FAM117B: variants seen among roughly 807,000 people sequenced by gnomAD.
FAM117B encodes the protein family with sequence similarity 117 member B, also known as protein FAM117B.
FAM117B carries 22 observed loss-of-function variants against 52.8 expected under a neutral mutation model. That is an observed-to-expected ratio of 0.42 (90% CI 0.30 to 0.59). FAM117B has a LOEUF of 0.59. Among genes scored for constraint, FAM117B ranks in the 20% least tolerant of loss-of-function variants. FAM117B has a pLI of 0.22. For missense variants in FAM117B, 678 were observed against 802.6 expected, an observed-to-expected ratio of 0.84 and a Z score of 1.88; for synonymous variants, 309 against 324.1, an observed-to-expected ratio of 0.95 and a Z score of 0.50.
intron 1 of FAM117B, among the ~76,000 whole-genome samples, chr2:202,665,609 T>C (rs72927001): frequency 0.23 from 34,211 of 152,002 alleles, 4,577 homozygotes; most frequent in Middle Eastern, 0.3. Context: ...CTCTTTTTGT[T>C]GTTGTTGTTG....
intron 4 of FAM117B, among the ~76,000 whole-genome samples, chr2:202,750,996 G>T (rs912290767): frequency 2.6e-5 from 4 of 152,092 alleles, no homozygotes; most frequent in African/African-American, 9.7e-5. Context: ...GAAATTAGGT[G>T]TGTAGGTTTC....
intron 1 of FAM117B, among the ~76,000 whole-genome samples, chr2:202,650,663 A>T (rs1458167215): frequency 1.6e-4 from 25 of 152,222 alleles, no homozygotes; most frequent in Admixed American, 1.6e-3. Flanking sequence ...TGCAGCCTTC[A>T]GTCTGTGGCA....
At chr2:202,644,051 CTGTTTTTTTTT>C (rs1236739518) in intron 1 of FAM117B, among the ~76,000 whole-genome samples, 145 of 89,752 alleles carry the variant, frequency 1.6e-3, no homozygotes, top group Admixed American at 1.4e-3. Flanking sequence ...GCTTTAGGAG[CTGTTTTTTTTT>C]TGTTTTTTTT....
intron 1 of FAM117B, 137 bp downstream of exon 1, chr2:202,635,925 C>T: frequency 2.3e-6 from 2 of 855,866 alleles, no homozygotes; most frequent in South Asian, 5.1e-5. Context: ...CGGTGCCGGG[C>T]GGTGGGGGAC....
At chr2:202,730,407 C>T (rs778140953) in intron 4 of FAM117B, among the ~76,000 whole-genome samples, 9 of 152,150 alleles carry the variant, frequency 5.9e-5, no homozygotes, top group East Asian at 1.9e-4. Flanking sequence ...TGGTGGTTCA[C>T]GCCTGTAATC....
At chr2:202,655,729 A>T (rs1411418016) in intron 1 of FAM117B, among the ~76,000 whole-genome samples, 2 of 147,336 alleles carry the variant, frequency 1.4e-5, no homozygotes, top group Non-Finnish European at 3.0e-5. Context: ...AGAGAGAGAG[A>T]GAGAGAGAGA....
chr2:202,646,674 A>C (rs891033963), intron 1 of FAM117B, among the ~76,000 whole-genome samples: 4 of 152,106 alleles, frequency 2.6e-5, no homozygotes, highest in Non-Finnish European at 4.4e-5. Flanking sequence ...TTTGAGTACG[A>C]GTGGTTTCTC....
At chr2:202,764,528 C>T (rs1357234250) in intron 7 of FAM117B, among the ~76,000 whole-genome samples, 1 of 151,998 alleles carries the variant, frequency 6.6e-6, no homozygotes, top group East Asian at 1.9e-4. Flanking sequence ...GCTCAGACTC[C>T]CAAAGTGCTG....
chr2:202,730,648 G>A (rs1379068506), intron 4 of FAM117B, among the ~76,000 whole-genome samples: 1 of 152,096 alleles, frequency 6.6e-6, no homozygotes, highest in African/African-American at 2.4e-5. Flanking sequence ...CCAGTTGGGG[G>A]AGATAGAGTT....
At chr2:202,693,195 C>T (rs1331428696) in intron 1 of FAM117B, among the ~76,000 whole-genome samples, 2 of 152,112 alleles carry the variant, frequency 1.3e-5, no homozygotes, top group African/African-American at 2.4e-5. Flanking sequence ...TACCTTTTCT[C>T]GAACAGTATA....
intron 1 of FAM117B, among the ~76,000 whole-genome samples, chr2:202,676,802 A>G (rs1424819914): frequency 6.6e-6 from 1 of 152,226 alleles, no homozygotes; most frequent in Admixed American, 6.5e-5. Context: ...AATGTGGAAG[A>G]AGCCTTAGGA....
At chr2:202,697,892 G>A (rs1275330101) in intron 2 of FAM117B, among the ~76,000 whole-genome samples, 1 of 151,492 alleles carries the variant, frequency 6.6e-6, no homozygotes, top group East Asian at 1.9e-4. Flanking sequence ...TTTGAGATAA[G>A]TTTCTCTCTG....
chr2:202,759,557 A>AT lies in FAM117B; in HGVS notation c.1451+222dup, dbSNP rs554908259. 4.7e-3 allele frequency among the ~76,000 whole-genome samples: 662 copies of AT among 140,906 alleles called. 3 individuals are homozygous for AT. Among genetic ancestry groups the AT allele is most frequent in the African/African-American group, 0.011 (404 of 37,860 alleles). The allele number at this position is 140,906 out of a possible 152,430, so 92.4% of individuals were successfully genotyped here. On this transcript the variant is annotated intron_variant, in intron 7 of 7. Coordinates refer to ENST00000392238, the MANE Select transcript of FAM117B (RefSeq NM_173511.4). The stretch of plus-strand genomic sequence containing the variant: ...CAGATGCACACCACTAGCCTGGCTA[A>AT]TTTTTTTTTTTTTTTTTTGAGACAG...
At chr2:202,748,409 A>G (rs1691668180) in intron 4 of FAM117B, among the ~76,000 whole-genome samples, 1 of 152,180 alleles carries the variant, frequency 6.6e-6, no homozygotes, top group Admixed American at 6.6e-5. Flanking sequence ...AGCCTAGGTA[A>G]CAAAAAAATA....
At chr2:202,674,205 A>G (rs975472401) in intron 1 of FAM117B, among the ~76,000 whole-genome samples, 1 of 152,198 alleles carries the variant, frequency 6.6e-6, no homozygotes, top group Non-Finnish European at 1.5e-5. Flanking sequence ...AAAATTGTCT[A>G]TCAAGTCTCA....
At chr2:202,719,998 A>G (rs1033482557) in intron 2 of FAM117B, among the ~76,000 whole-genome samples, 3 of 152,196 alleles carry the variant, frequency 2.0e-5, no homozygotes, top group Non-Finnish European at 2.9e-5. Flanking sequence ...CAAGAGGTAC[A>G]TGAAGTCAGT....
chr2:202,761,526 GTTTTTA>G (rs1256879718), intron 7 of FAM117B, among the ~76,000 whole-genome samples: 3 of 151,796 alleles, frequency 2.0e-5, no homozygotes, highest in Non-Finnish European at 2.9e-5. Context: ...TTTTGTTTTT[GTTTTTA>G]TTTTTTTTCT....
At chr2:202,751,008 A>G (rs1183291890) in intron 4 of FAM117B, among the ~76,000 whole-genome samples, 2 of 152,194 alleles carry the variant, frequency 1.3e-5, no homozygotes, top group African/African-American at 2.4e-5. Context: ...GTAGGTTTCT[A>G]GAGAGAAATT....
chr2:202,705,035 A>T (rs1690851734), intron 2 of FAM117B, among the ~76,000 whole-genome samples: 1 of 151,564 alleles, frequency 6.6e-6, no homozygotes, highest in Non-Finnish European at 1.5e-5. Flanking sequence ...GGCCGGGCGC[A>T]GTGGCTGACA....
Sources: gnomAD v4.1 joint callset for allele counts (sites outside exome capture counted in the v4.1 genomes callset) on GRCh38, gnomAD v4.1.1 for gene constraint, MANE v1.5 for transcripts, NCBI Gene and HGNC (gene_info 2026-07-23, HGNC 2026-07-21) for gene names.